The following ITGA9 variants were observed in gnomAD, a reference collection of about 807,000 sequenced individuals.
ITGA9 encodes integrin alpha-9.
Under a neutral mutation model 127.8 loss-of-function variants are expected in ITGA9, and 56 were observed. That is an observed-to-expected ratio of 0.44 (90% CI 0.35 to 0.55). ITGA9 has a LOEUF of 0.55. Ranked by LOEUF, ITGA9 falls within the 20% of genes least tolerant of loss-of-function variation. The pLI is 0.00. For missense variants in ITGA9, 1,196 were observed against 1,347.1 expected (o/e 0.89, Z 1.76); for synonymous variants, 508 against 514.5 (o/e 0.99, Z 0.17).
intron 15 of ITGA9, among the ~76,000 whole-genome samples, chr3:37,568,442 G>A (rs563978944): frequency 4.2e-4 from 64 of 152,336 alleles, no homozygotes; most frequent in African/African-American, 1.4e-3. Flanking sequence ...TGGCTCCTCA[G>A]TACTTATGCA....
chr3:37,798,414 C>T (rs1697199642), intron 26 of ITGA9, among the ~76,000 whole-genome samples: 2 of 152,162 alleles, frequency 1.3e-5, no homozygotes, highest in Admixed American at 1.3e-4. Flanking sequence ...TGGAGCATCC[C>T]CTCGCCCCTT....
intron 15 of ITGA9, among the ~76,000 whole-genome samples, chr3:37,567,631 G>A (rs1699560628): frequency 1.3e-5 from 2 of 152,192 alleles, no homozygotes; most frequent in Middle Eastern, 3.4e-3. Flanking sequence ...GGGGGTATAG[G>A]CATAAGGTAA....
At chr3:37,712,751 CA>C (rs1207009698) in intron 18 of ITGA9, among the ~76,000 whole-genome samples, 1 of 152,110 alleles carries the variant, frequency 6.6e-6, no homozygotes, top group Non-Finnish European at 1.5e-5. Context: ...AAAGTTCTTG[CA>C]AAAATGTCAT....
intron 4 of ITGA9, among the ~76,000 whole-genome samples, chr3:37,492,939 G>A (rs1435522327): frequency 1.3e-5 from 2 of 152,166 alleles, no homozygotes; most frequent in Non-Finnish European, 2.9e-5. Context: ...ATTTGATGCA[G>A]GATTTGTTCA....
intron 18 of ITGA9, among the ~76,000 whole-genome samples, chr3:37,709,006 G>A (rs1047705049): frequency 2.6e-5 from 4 of 151,864 alleles, no homozygotes; most frequent in Non-Finnish European, 5.9e-5. Context: ...TTGTACCTTG[G>A]GCAAGTTCAA....
At chr3:37,757,834 A>G (rs1369776173) in intron 23 of ITGA9, among the ~76,000 whole-genome samples, 1 of 151,830 alleles carries the variant, frequency 6.6e-6, no homozygotes, top group African/African-American at 2.4e-5. Flanking sequence ...AGATTCTAGT[A>G]GGCTTTCAAG....
At chr3:37,550,384 T>A (rs1699367759) in intron 15 of ITGA9, among the ~76,000 whole-genome samples, 1 of 152,222 alleles carries the variant, frequency 6.6e-6, no homozygotes, top group Non-Finnish European at 1.5e-5. Flanking sequence ...GTTAAGCATA[T>A]GGCCCCCAGA....
rs372786551 is a variant in ITGA9, at chr3:37,503,323, G to A, written c.742+16G>A. ...ACCTACCTGGGTGAGTACTCAGGGA[G>A]AGAACAGGTAAGAAAGGGGAAATGG... is the stretch of plus-strand genomic sequence containing the variant. On this transcript the variant is annotated intron_variant, in intron 6 of 27. Transcript: ENST00000264741. The A allele has an allele frequency of 1.7e-5, 28 of 1,613,536 alleles. No homozygotes were observed. The African/African-American group carries it at 2.8e-4, about 16-fold the overall frequency.
intron 8 of ITGA9, among the ~76,000 whole-genome samples, chr3:37,513,455 C>T (rs1026996268): frequency 5.9e-5 from 9 of 151,942 alleles, no homozygotes; most frequent in African/African-American, 2.2e-4. Context: ...TTTTAGTATA[C>T]ATTAAGTTTT....
rs1288616029 is a variant in ITGA9 at position 37,743,948 on chromosome 3, G to C, written c.2347G>C (p.Val783Leu). The part of the protein sequence containing the change: ...ITGIMSPTSF[V>L]YGESVDAANF... ...CAGAATCATGTCTCCAACCTCCTTT[G>C]TATATGGCGAGTCCGTGGACGCAGC... The change falls in exon 22 of 28, where the codon GTA (valine) becomes CTA (leucine). Residue 783 changes from valine (V) to leucine (L), a missense_variant. Val to Leu is a conservative substitution (Grantham distance 32). Coordinates refer to ENST00000264741, the MANE Select transcript of ITGA9 (RefSeq NM_002207.3). 36 of 1,613,688 alleles carry C rather than the reference G, an allele frequency of 2.2e-5. No individual in the cohort carries two copies. The highest frequency in any genetic ancestry group is 2.8e-5 in the Non-Finnish European group (33 of 1,179,684).
At chr3:37,534,996 C>T (rs1314876318) in intron 14 of ITGA9, among the ~76,000 whole-genome samples, 1 of 152,242 alleles carries the variant, frequency 6.6e-6, no homozygotes, top group Non-Finnish European at 1.5e-5. Context: ...AGTGCCAGCT[C>T]ATCACGTAGT....
chr3:37,496,073 A>G (rs1179300431), intron 5 of ITGA9, among the ~76,000 whole-genome samples: 2 of 152,140 alleles, frequency 1.3e-5, no homozygotes, highest in African/African-American at 4.8e-5. Context: ...CTGGCTTCCA[A>G]AGTGAGGGCC....
intron 15 of ITGA9, among the ~76,000 whole-genome samples, chr3:37,561,025 G>A (rs1699482232): frequency 1.3e-5 from 2 of 151,982 alleles, no homozygotes; most frequent in Admixed American, 6.6e-5. Context: ...TAAGGACTCC[G>A]GTCAGATTGG....
intron 15 of ITGA9, among the ~76,000 whole-genome samples, chr3:37,567,949 A>G (rs1336493988): frequency 3.3e-5 from 5 of 152,078 alleles, no homozygotes; most frequent in Admixed American, 3.3e-4. Context: ...GGTCTGGAGG[A>G]TGGGGGCCGT....
intron 19 of ITGA9, among the ~76,000 whole-genome samples, chr3:37,734,218 A>G (rs1474609012): frequency 6.6e-6 from 1 of 152,210 alleles, no homozygotes; most frequent in African/African-American, 2.4e-5. Context: ...AATGGATTAC[A>G]TGTGGATGGC....
At chr3:37,551,534 C>T (rs1699378222) in intron 15 of ITGA9, among the ~76,000 whole-genome samples, 1 of 152,194 alleles carries the variant, frequency 6.6e-6, no homozygotes, top group Admixed American at 6.5e-5. Flanking sequence ...CTGCCCTTTT[C>T]TTATCCATTG....
intron 16 of ITGA9, among the ~76,000 whole-genome samples, chr3:37,641,659 C>A (rs1330573210): frequency 1.3e-5 from 2 of 152,156 alleles, no homozygotes; most frequent in African/African-American, 4.8e-5. Flanking sequence ...CTGAGGAGCT[C>A]CCTTCCCCCT....
At chr3:37,748,118 A>G in intron 22 of ITGA9, 2 of 482,642 alleles carry the variant, frequency 4.1e-6, no homozygotes, top group South Asian at 1.6e-5. Flanking sequence ...AAAATGTCGA[A>G]CACAAAGGGA....
chr3:37,556,966 A>G lies in ITGA9; in HGVS notation c.1689+14381A>G, dbSNP rs56288023. Among the ~76,000 whole-genome samples, 362 of 152,276 alleles carry G rather than the reference A, an allele frequency of 2.4e-3. 4 individuals carry two copies. The highest frequency in any genetic ancestry group is 8.1e-3 in the African/African-American group (337 of 41,566). On this transcript the variant is annotated intron_variant, in intron 15 of 27. Transcript: ENST00000264741. Reference sequence around the variant, plus strand: ...CCCTTATAGGAGGGTGGTGTGGGCTATAATTTCTTCTGCATTCTCTGCCTA... The same window carrying G: ...CCCTTATAGGAGGGTGGTGTGGGCTGTAATTTCTTCTGCATTCTCTGCCTA...
Sources: allele counts gnomAD v4.1 joint callset (sites outside exome capture counted in the v4.1 genomes callset), GRCh38; gene constraint gnomAD v4.1.1; transcripts MANE v1.5; gene names NCBI Gene and HGNC (gene_info 2026-07-23, HGNC 2026-07-21).